Variants in CCDC73 observed in about 807,000 individuals in gnomAD.
CCDC73 encodes the protein coiled-coil domain-containing protein 73.
In CCDC73, 95 loss-of-function variants were observed where a neutral mutation model predicts 116.5. The observed-to-expected ratio is 0.82, with a 90% CI of 0.69 to 0.97. The LOEUF is 0.97. CCDC73 is among the 50% of genes least tolerant of loss of function. CCDC73 has a pLI of 0.00. For missense variants in CCDC73, 1,066 were observed against 1,206.8 expected (o/e 0.88, Z 1.73); for synonymous variants, 398 against 401.3 (o/e 0.99, Z 0.10).
intron 14 of CCDC73, among the ~76,000 whole-genome samples, chr11:32,627,580 T>C (rs373562682): frequency 2.6e-5 from 4 of 152,136 alleles, no homozygotes; most frequent in African/African-American, 9.7e-5. Context: ...CAAATGTCCA[T>C]CAATGAGAGA....
chr11:32,764,211 T>C (rs1466072803), intron 1 of CCDC73, among the ~76,000 whole-genome samples: 2 of 152,140 alleles, frequency 1.3e-5, no homozygotes, highest in Non-Finnish European at 2.9e-5. Context: ...CCAGGAGAAC[T>C]TCCCCAACCT....
At chr11:32,649,824 A>G (rs554172997) in intron 12 of CCDC73, among the ~76,000 whole-genome samples, 1 of 152,340 alleles carries the variant, frequency 6.6e-6, no homozygotes, top group Non-Finnish European at 1.5e-5. Flanking sequence ...TCATAAAATG[A>G]TAGTAATGAT....
At chr11:32,660,822 G>A (rs994635038) in intron 9 of CCDC73, among the ~76,000 whole-genome samples, 3 of 151,884 alleles carry the variant, frequency 2.0e-5, no homozygotes, top group African/African-American at 4.8e-5. Flanking sequence ...GTGAGACCCC[G>A]ACTCAAAAAA....
chr11:32,791,550 T>A (rs1283681372), intron 1 of CCDC73, among the ~76,000 whole-genome samples: 2 of 152,222 alleles, frequency 1.3e-5, no homozygotes, highest in African/African-American at 4.8e-5. Context: ...CTGGGGAACA[T>A]GTATTCCAAA....
At chr11:32,722,291 T>TA (rs1849996776) in intron 2 of CCDC73, among the ~76,000 whole-genome samples, 1 of 152,248 alleles carries the variant, frequency 6.6e-6, no homozygotes, top group South Asian at 2.1e-4. Context: ...TGTATTCTCT[T>TA]AAAAAAAGGT....
At chr11:32,731,701 T>C (rs1850079961) in intron 2 of CCDC73, among the ~76,000 whole-genome samples, 1 of 151,506 alleles carries the variant, frequency 6.6e-6, no homozygotes, top group South Asian at 2.1e-4. Flanking sequence ...CAGCTGAGGG[T>C]CCTGACTGTT....
At chr11:32,678,981 G>A (rs868240945) in intron 7 of CCDC73, among the ~76,000 whole-genome samples, 1 of 151,660 alleles carries the variant, frequency 6.6e-6, no homozygotes, top group Non-Finnish European at 1.5e-5. Flanking sequence ...TATTATCTTG[G>A]CAAGTCTGAT....
chr11:32,607,109 T>C (rs1293325417), intron 17 of CCDC73, among the ~76,000 whole-genome samples: 1 of 64,632 alleles, frequency 1.5e-5, no homozygotes, highest in Admixed American at 1.6e-4. Flanking sequence ...TTTTTTTTTT[T>C]TGAGACGGAG....
At chr11:32,761,996 T>C (rs1453005767) in intron 1 of CCDC73, among the ~76,000 whole-genome samples, 2 of 152,202 alleles carry the variant, frequency 1.3e-5, no homozygotes, top group Non-Finnish European at 2.9e-5. Context: ...ACCCACATTA[T>C]GGAGAGTAAT....
At chr11:32,807,746 G>A in the CCDC73 span, among the ~76,000 whole-genome samples, 1 of 152,172 alleles carries the variant, frequency 6.6e-6, no homozygotes, top group Non-Finnish European at 1.5e-5. Context: ...GTCCTGCACT[G>A]TAGCAAGAAA....
intron 2 of CCDC73, chr11:32,758,167 T>C (rs963981106): frequency 5.9e-6 from 1 of 170,172 alleles, no homozygotes; most frequent in African/African-American, 2.4e-5. Flanking sequence ...GAAAGCTCTC[T>C]TTTCAATGAG....
At chr11:32,764,264 A>G (rs1026374981) in intron 1 of CCDC73, among the ~76,000 whole-genome samples, 1 of 152,148 alleles carries the variant, frequency 6.6e-6, no homozygotes, top group Admixed American at 6.5e-5. Context: ...TACAGAGAAC[A>G]CCACAAAGAT....
At chr11:32,743,767 G>C (rs1565090920) in intron 2 of CCDC73, among the ~76,000 whole-genome samples, 2 of 151,950 alleles carry the variant, frequency 1.3e-5, no homozygotes, top group Non-Finnish European at 2.9e-5. Context: ...TGTATCCTGA[G>C]ACTTTGCTGA....
At chr11:32,711,156 G>A (rs1309075803) in intron 3 of CCDC73, among the ~76,000 whole-genome samples, 2 of 152,090 alleles carry the variant, frequency 1.3e-5, no homozygotes, top group Non-Finnish European at 2.9e-5. Flanking sequence ...TGTTGGTGTG[G>A]AGGTGGTAAA....
chr11:32,614,091 G>T lies in CCDC73; in HGVS notation c.2227C>A (p.Pro743Thr). The T allele has an allele frequency of 6.2e-7, 1 of 1,613,290 alleles. No individual in the cohort carries two copies. Among genetic ancestry groups the T allele is most frequent in the Admixed American group, 1.7e-5 (1 of 59,996 alleles). Residue 743 changes from proline (P) to threonine (T), a missense_variant, in exon 16 of 18, where the codon CCT (proline) becomes ACT (threonine). Coordinates refer to ENST00000335185, the MANE Select transcript of CCDC73 (RefSeq NM_001008391.4). The stretch of plus-strand genomic sequence containing the variant: ...TTTTTACACATAGTTTTTCCCCCAG[G>T]GCTTGAGTTAGGTTTCACCAACATA... ...MSMLVKPNSS[P>T]GGKTMCKNMS...
intron 2 of CCDC73, among the ~76,000 whole-genome samples, chr11:32,751,084 C>A (rs1257942133): frequency 1.3e-5 from 2 of 152,190 alleles, no homozygotes; most frequent in African/African-American, 4.8e-5. Context: ...CCTGTCTAAT[C>A]CAGGATGTGT....
chr11:32,663,599 T>C (rs930221703), intron 9 of CCDC73, among the ~76,000 whole-genome samples: 24 of 152,356 alleles, frequency 1.6e-4, no homozygotes, highest in Admixed American at 1.2e-3. Context: ...TGGGGTTTTC[T>C]AAATATACAG....
intron 7 of CCDC73, chr11:32,682,713 A>AT (rs1346277895): frequency 1.3e-5 from 2 of 152,010 alleles, no homozygotes; most frequent in East Asian, 3.8e-4. Context: ...CAGAAAAAAA[A>AT]ATCCTTCTGA....
At chr11:32,751,736 A>G (rs1418783794) in intron 2 of CCDC73, among the ~76,000 whole-genome samples, 1 of 152,172 alleles carries the variant, frequency 6.6e-6, no homozygotes, top group Non-Finnish European at 1.5e-5. Context: ...TGAAGTTAAA[A>G]CCAGGTACTG....
Sources: gnomAD v4.1 joint callset for allele counts (sites outside exome capture counted in the v4.1 genomes callset) on GRCh38, gnomAD v4.1.1 for gene constraint, MANE v1.5 for transcripts, NCBI Gene and HGNC (gene_info 2026-07-23, HGNC 2026-07-21) for gene names.